Variants in GHR observed in about 807,000 individuals in gnomAD.
GHR encodes the protein GH receptor.
Under a neutral mutation model 67.1 loss-of-function variants are expected in GHR, and 35 were observed. The ratio of observed to expected loss-of-function variants is 0.52; its 90% CI spans 0.40 to 0.69. The LOEUF (loss-of-function observed/expected upper bound fraction) is 0.69. GHR is among the 30% of genes least tolerant of loss of function. The probability of loss-of-function intolerance (pLI) is 0.00; values close to 1 mark genes in which losing one functional copy is unlikely to be tolerated. For missense variants in GHR, 792 were observed against 764.6 expected (o/e 1.04, Z -0.42); for synonymous variants, 272 against 269.1 (o/e 1.01, Z -0.10).
intron 1 of GHR, among the ~76,000 whole-genome samples, chr5:42,480,754 G>T (rs191020930): frequency 1.3e-5 from 2 of 151,946 alleles, no homozygotes. Context: ...ATCTTCATGC[G>T]TCCCTTTATT....
At chr5:42,564,695 T>A (rs762897521) in intron 1 of GHR, among the ~76,000 whole-genome samples, 11 of 152,196 alleles carry the variant, frequency 7.2e-5, no homozygotes, top group Non-Finnish European at 1.2e-4. Context: ...GGGCCACATC[T>A]GTAGGCCCAT....
In GHR at chr5:42,465,940, A is replaced by T. The variant is rs556008959; in HGVS notation, c.-12+41985A>T. 2.7e-4 allele frequency: 188 copies of T among 691,336 alleles called. No individual in the cohort carries two copies. The African/African-American group carries it at 3.2e-3, about 12-fold the overall frequency. The allele number at this position is 691,336 out of a possible 1,614,324, so 42.8% of individuals were successfully genotyped here. On this transcript the variant is annotated intron_variant, in intron 1 of 9. Transcript: ENST00000230882. ...AAGGTGGTCTCCTTTCTGGTCTTCT[A>T]TCAGTTATTTTCCCTTCACCGTGAA...
chr5:42,545,525 A>C (rs922345969), intron 1 of GHR, among the ~76,000 whole-genome samples: 1 of 152,186 alleles, frequency 6.6e-6, no homozygotes, highest in Non-Finnish European at 1.5e-5. Context: ...TGTAATCAGA[A>C]AAAAATATCA....
At chr5:42,613,163 C>A (rs1752969502) in intron 2 of GHR, among the ~76,000 whole-genome samples, 1 of 152,136 alleles carries the variant, frequency 6.6e-6, no homozygotes, top group Admixed American at 6.6e-5. Context: ...ACTTCAAGGA[C>A]TTTTGTAATC....
At chr5:42,534,119 T>C (rs1748106370) in intron 1 of GHR, among the ~76,000 whole-genome samples, 1 of 148,258 alleles carries the variant, frequency 6.7e-6, no homozygotes, top group Admixed American at 6.8e-5. Context: ...TGTATATATG[T>C]ATGTATATAT....
chr5:42,506,674 T>C (rs1337925021), intron 1 of GHR, among the ~76,000 whole-genome samples: 1 of 152,132 alleles, frequency 6.6e-6, no homozygotes, highest in Non-Finnish European at 1.5e-5. Flanking sequence ...GTAGCCTCAG[T>C]TTAATGTTGA....
chr5:42,678,453 G>T (rs1169687806), intron 3 of GHR, among the ~76,000 whole-genome samples: 6 of 152,140 alleles, frequency 3.9e-5, no homozygotes, highest in Non-Finnish European at 7.3e-5. Flanking sequence ...TCTCCCAGCA[G>T]CCCTGCACAT....
intron 1 of GHR, among the ~76,000 whole-genome samples, chr5:42,507,186 G>A (rs1161357673): frequency 1.3e-5 from 2 of 152,292 alleles, no homozygotes; most frequent in Middle Eastern, 3.4e-3. Context: ...AATCAGCTTT[G>A]TTGTCAGAAT....
At position 42,424,370 on chromosome 5, in the gene GHR, G is replaced by T. The variant is rs961867472; in HGVS notation, c.-12+415G>T. 5 of 595,172 alleles carry T rather than the reference G, an allele frequency of 8.4e-6. No homozygotes were observed. The highest frequency in any genetic ancestry group is 1.5e-5 in the Non-Finnish European group (5 of 333,534). The allele number at this position is 595,172 out of a possible 1,614,324, so 36.9% of individuals were successfully genotyped here. On this transcript the variant is annotated intron_variant, in intron 1 of 9. Coordinates refer to ENST00000230882, the MANE Select transcript of GHR (RefSeq NM_000163.5). This position sits in a 1 kb window ranked among gnomAD's most constrained non-coding sequence, Gnocchi z 4.1. ...ATAAAAGTTTTGCTAGTGTGTTTCT[G>T]TTTGCCATCATCTGCCTGGCTGCGG...
intron 2 of GHR, among the ~76,000 whole-genome samples, chr5:42,618,444 A>G (rs1753278107): frequency 6.6e-6 from 1 of 152,172 alleles, no homozygotes; most frequent in Non-Finnish European, 1.5e-5. Flanking sequence ...GTTAGAATAA[A>G]AGGTCAGAGA....
chr5:42,488,489 C>T (rs1316253206), intron 1 of GHR, among the ~76,000 whole-genome samples: 4 of 152,182 alleles, frequency 2.6e-5, no homozygotes, highest in African/African-American at 9.7e-5. Flanking sequence ...TTCATCTGCT[C>T]TTTCTGCCCT....
intron 1 of GHR, among the ~76,000 whole-genome samples, chr5:42,538,666 C>A (rs953592656): frequency 6.6e-6 from 1 of 152,106 alleles, no homozygotes; most frequent in Non-Finnish European, 1.5e-5. Context: ...GTGATGATTT[C>A]TTTGCGATGA....
intron 1 of GHR, among the ~76,000 whole-genome samples, chr5:42,534,683 A>G (rs1748177059): frequency 6.6e-6 from 1 of 151,934 alleles, no homozygotes. Context: ...CCCAGTAGTG[A>G]GATTGCTGAA....
intron 2 of GHR, among the ~76,000 whole-genome samples, chr5:42,595,265 T>C (rs943386562): frequency 2.0e-5 from 3 of 152,200 alleles, no homozygotes; most frequent in African/African-American, 4.8e-5. Flanking sequence ...ATGTAGAACA[T>C]ACTGTTTCAT....
intron 1 of GHR, among the ~76,000 whole-genome samples, chr5:42,482,175 A>C (rs1037553498): frequency 3.9e-5 from 6 of 152,310 alleles, no homozygotes; most frequent in Non-Finnish European, 7.3e-5. Context: ...GGGTATCAGC[A>C]GCGGTGGCTG....
intron 2 of GHR, among the ~76,000 whole-genome samples, chr5:42,608,086 C>A (rs1752713040): frequency 1.3e-5 from 2 of 152,124 alleles, no homozygotes; most frequent in Admixed American, 1.3e-4. Context: ...TGAGCATGAG[C>A]AAATCACTTC....
intron 2 of GHR, among the ~76,000 whole-genome samples, chr5:42,626,377 A>G (rs1247066458): frequency 1.3e-5 from 2 of 152,210 alleles, no homozygotes; most frequent in African/African-American, 4.8e-5. Context: ...CAGCTTGCTT[A>G]CATGTACCAG....
chr5:42,498,060 T>C (rs970089501), intron 1 of GHR, among the ~76,000 whole-genome samples: 2 of 152,256 alleles, frequency 1.3e-5, no homozygotes, highest in Non-Finnish European at 2.9e-5. Flanking sequence ...TACATCCTGA[T>C]AATTACTTTA....
At chr5:42,483,709 A>G (rs753519345) in intron 1 of GHR, among the ~76,000 whole-genome samples, 2 of 152,200 alleles carry the variant, frequency 1.3e-5, no homozygotes, top group East Asian at 1.9e-4. Flanking sequence ...AGAAAAACTT[A>G]TAAAGGGACC....
Sources: gnomAD v4.1 joint callset for allele counts (sites outside exome capture counted in the v4.1 genomes callset) on GRCh38, gnomAD v4.1.1 for gene constraint, Gnocchi (gnomAD v3.1) non-coding constraint, MANE v1.5 for transcripts, NCBI Gene and HGNC (gene_info 2026-07-23, HGNC 2026-07-21) for gene names.